Variants in VSIG10L observed in about 807,000 individuals in gnomAD.
VSIG10L encodes the protein V-set and immunoglobulin domain-containing protein 10-like.
Under a neutral mutation model 67.3 loss-of-function variants are expected in VSIG10L, and 63 were observed. The observed-to-expected ratio is 0.94, with a 90% confidence interval of 0.76 to 1.15. The LOEUF (loss-of-function observed/expected upper bound fraction) is 1.15, where lower values mean the gene tolerates loss of function less well. Ranked by LOEUF, VSIG10L falls within the 50% of genes most tolerant of loss-of-function variation. VSIG10L has a pLI of 0.00. For missense variants in VSIG10L, 1,050 were observed against 1,177.5 expected (o/e 0.89, Z 1.58); for synonymous variants, 499 against 524.9 (o/e 0.95, Z 0.67).
Position 51,337,410 on chromosome 19 carries a change from C to T in VSIG10L, c.2133G>A (p.Leu711=), listed in dbSNP as rs1403137118. Reference sequence around the variant, plus strand: ...AGTCCCTGTAGGTGGAAGTCCTGCCCAGAGCAGGCCCATCTGGCCATGCCT... The same window carrying T: ...AGTCCCTGTAGGTGGAAGTCCTGCCTAGAGCAGGCCCATCTGGCCATGCCT... ...EIQAWPDGPA[L]GRTSTYRDWV... The change falls in exon 7 of 10, where the codon CTG becomes CTA. Residue 711 remains leucine (L), a synonymous_variant. Coordinates refer to ENST00000335624, the MANE Select transcript of VSIG10L (RefSeq NM_001163922.3). 2 of 1,551,700 alleles carry T rather than the reference C, an allele frequency of 1.3e-6. No individual in the cohort carries two copies. The highest frequency in any genetic ancestry group is 4.9e-5 in the East Asian group (2 of 40,910).
At chr19:51,334,830 A>G (rs1442768061) in intron 7 of VSIG10L, among the ~76,000 whole-genome samples, 1 of 87,292 alleles carries the variant, frequency 1.1e-5, no homozygotes, top group Non-Finnish European at 2.1e-5. Context: ...AGCCCCAGCT[A>G]CTCAGGAGAC....
At position 51,339,559 on chromosome 19, in the gene VSIG10L, C is replaced by T. The variant is rs1599834445; in HGVS notation, c.1475-417G>A. The T allele has an allele frequency of 7.3e-5, 16 of 218,970 alleles. No homozygotes were observed. In the East Asian group the frequency reaches 1.4e-3, roughly 20 times the overall value. The allele number at this position is 218,970 out of a possible 1,614,324, so 13.6% of individuals were successfully genotyped here. A position where few individuals can be genotyped will look rare whatever the true frequency, so the allele number is the denominator to read the frequency against. On this transcript the variant is annotated intron_variant, in intron 4 of 9. Coordinates refer to ENST00000335624, the MANE Select transcript of VSIG10L (RefSeq NM_001163922.3). ...ATTCTGCCCGCTTTCTAAATGACCT[C>T]GCCCCTTTCCCTGGTGACTCCGCCC...
Position 51,340,755 on chromosome 19 carries a change from C to T in VSIG10L, c.896-29G>A. 1 of 1,452,298 alleles carries T rather than the reference C, an allele frequency of 6.9e-7. No homozygotes were observed. The highest frequency in any genetic ancestry group is 9.0e-7 in the Non-Finnish European group (1 of 1,105,614). 90.0% of individuals were successfully genotyped at this position (1,452,298 alleles called of 1,614,324 possible). On this transcript the variant is annotated intron_variant, in intron 2 of 9. Transcript: ENST00000335624. The surrounding 1 kb of genome is among the most constrained non-coding windows in gnomAD (Gnocchi z 6.3). ...GGAGAGGGAGAATGGGCTCAGGACC[C>T]ACCCAGTCCTGGAGCCCATCTTTGG...
Position 51,340,529 on chromosome 19 carries a change from T to C in VSIG10L, c.1093A>G (p.Ile365Val). Residue 365 changes from isoleucine (I) to valine (V), a missense_variant, in exon 3 of 10, where the codon ATC becomes GTC. This residue lies in a region of VSIG10L where 511 missense variants were observed against 557.9 expected (regional missense o/e 0.92). Coordinates refer to ENST00000335624, the MANE Select transcript of VSIG10L (RefSeq NM_001163922.3). The surrounding 1 kb of genome is among the most constrained non-coding windows in gnomAD (Gnocchi z 6.3). ...TGGTCGCTGCGCACAGGGCGCACGA[T>C]GAGCAGCTGGTCGCCCTCTGAGCGC... ...RMRSEGDQLL[I>V]VRPVRSDHAR... 6.5e-7 allele frequency: 1 copy of C among 1,534,762 alleles called. No homozygotes were observed. The highest frequency in any genetic ancestry group is 8.7e-7 in the Non-Finnish European group (1 of 1,145,320).
rs966405919 is a variant in VSIG10L, at chr19:51,339,105, C to A, written c.1512G>T (p.Gly504=). The change falls in exon 5 of 10, where the codon GGG becomes GGT. Residue 504 remains glycine, a synonymous_variant. Transcript: ENST00000335624. ...PPGAPQCSVE[G]GPGDRSLRFR... is the part of the protein sequence containing the mutation. ...AGCGGAGGCTGCGGTCCCCGGGACC[C>A]CCTTCAACTGAGCACTGTGGGGCCC... 7.4e-7 allele frequency: 1 copy of A among 1,346,832 alleles called. No homozygotes were observed. 83.4% of individuals were successfully genotyped at this position (1,346,832 alleles called of 1,614,324 possible).
chr19:51,332,839 T>TTTTA (rs765529298), intron 9 of VSIG10L, among the ~76,000 whole-genome samples, 199 bp from the exon 10 acceptor site: 2,066 of 151,882 alleles, frequency 0.014, 21 homozygotes, highest in Middle Eastern at 0.045. Flanking sequence ...AGTTGTTATT[T>TTTTA]TTTATTTATT....
At chr19:51,338,296 G>A in intron 5 of VSIG10L, 88 bp from the exon 6 acceptor site, 1 of 1,392,344 alleles carries the variant, frequency 7.2e-7, no homozygotes, top group Non-Finnish European at 9.4e-7. Flanking sequence ...AAATCAGATG[G>A]TGGTAAGCCC....
rs1456924434 is a variant in VSIG10L at position 51,337,921 on chromosome 19, G to A, written c.2008+9C>T. 27 of 1,533,402 alleles carry A rather than the reference G, an allele frequency of 1.8e-5. No homozygotes were observed. In the East Asian group the frequency reaches 3.7e-4, roughly 21 times the overall value. 95.0% of individuals were successfully genotyped at this position (1,533,402 alleles called of 1,614,324 possible). A position where few individuals can be genotyped will look rare whatever the true frequency, so the allele number is the denominator to read the frequency against. On this transcript the variant is annotated intron_variant, in intron 6 of 9. Transcript: ENST00000335624. ...GGACTTCAGGGTTTTTTGAAATAACGTGGCTCACCAATGAGGGTGATCTGG... is the reference window on the plus strand; with the variant it reads ...GGACTTCAGGGTTTTTTGAAATAACATGGCTCACCAATGAGGGTGATCTGG...
rs756052196 is a variant in VSIG10L at position 51,338,003 on chromosome 19, A to G, written c.1935T>C (p.Asp645=). 5.2e-6 allele frequency: 8 copies of G among 1,551,566 alleles called. No individual in the cohort carries two copies. The highest frequency in any genetic ancestry group is 1.2e-5 in the South Asian group (1 of 84,068). ...GCACGGAGTAATTTCCCAGGTCCCA[A>G]TCCAGGCTGAAGTTGCCGATGTGGA... ...RKLHIGNFSL[D]WDLGNYSVLC... is the part of the protein sequence containing the mutation. The change falls in exon 6 of 10, where the codon GAT becomes GAC. Residue 645 remains aspartate (D), a synonymous_variant. Coordinates refer to ENST00000335624, the MANE Select transcript of VSIG10L (RefSeq NM_001163922.3).
Position 51,341,601 on chromosome 19 carries a change from G to A in VSIG10L, c.447C>T (p.Val149=), listed in dbSNP as rs1383767771. ...CCTCAACAGACAGTTTGGTATGGGAGACTTGAGTAGAAATGTTTGAAGCTG... is the reference window on the plus strand; with the variant it reads ...CCTCAACAGACAGTTTGGTATGGGAAACTTGAGTAGAAATGTTTGAAGCTG... The part of the protein sequence containing the change: ...KTPASNISTQ[V]SHTKLSVEAP... Residue 149 remains valine, a synonymous_variant, in exon 2 of 10, where the codon GTC becomes GTT. Coordinates refer to ENST00000335624, the MANE Select transcript of VSIG10L (RefSeq NM_001163922.3). 2 of 1,551,642 alleles carry A rather than the reference G, an allele frequency of 1.3e-6. No homozygotes were observed. Among genetic ancestry groups the A allele is most frequent in the Non-Finnish European group, 1.7e-6 (2 of 1,147,008 alleles).
At chr19:51,338,506 A>C (rs1377994005) in intron 5 of VSIG10L, among the ~76,000 whole-genome samples, 1 of 152,156 alleles carries the variant, frequency 6.6e-6, no homozygotes, top group African/African-American at 2.4e-5. Context: ...TAGCAATAAT[A>C]ATTACAAGAC....
At chr19:51,333,465 G>A (rs1003489208) in intron 9 of VSIG10L, among the ~76,000 whole-genome samples, 5 of 151,890 alleles carry the variant, frequency 3.3e-5, no homozygotes, top group South Asian at 4.2e-4. Flanking sequence ...GGAGGCGGAG[G>A]CTGCAGTGAG....
chr19:51,340,194 G>C lies in VSIG10L; in HGVS notation c.1295C>G (p.Ser432Trp). Residue 432 changes from serine to tryptophan, a missense_variant, in exon 4 of 10, where the codon TCG (serine) becomes TGG (tryptophan). Ser to Trp is a radical substitution (Grantham distance 177, BLOSUM62 -3). Coordinates refer to ENST00000335624, the MANE Select transcript of VSIG10L (RefSeq NM_001163922.3). This position sits in a 1 kb window ranked among gnomAD's most constrained non-coding sequence, Gnocchi z 6.3. ...SNVTLRCAAA[S>W]RPPADITWSL... ...CCACGTGATGTCGGCGGGCGGCCGC[G>C]AGGCGGCGGCGCAGCGCAAGGTCAC... 6.9e-7 allele frequency: 1 copy of C among 1,449,962 alleles called. No individual in the cohort carries two copies. Among genetic ancestry groups the C allele is most frequent in the East Asian group, 3.0e-5 (1 of 33,670 alleles). The allele number at this position is 1,449,962 out of a possible 1,614,324, so 89.8% of individuals were successfully genotyped here.
rs892381804 is a variant in VSIG10L at position 51,338,337 on chromosome 19, C to T, written c.1730-129G>A. 3.2e-6 allele frequency: 3 copies of T among 950,794 alleles called. No individual in the cohort carries two copies. In the African/African-American group the frequency reaches 5.0e-5, roughly 16 times the overall value. The allele number at this position is 950,794 out of a possible 1,614,324, so 58.9% of individuals were successfully genotyped here. On this transcript the variant is annotated intron_variant, in intron 5 of 9. Transcript: ENST00000335624. ...CTTTGGCCACCTGAGAAAGAACTGCCAATTTACTCACTCATTAGCTCATTC... is the reference window on the plus strand; with the variant it reads ...CTTTGGCCACCTGAGAAAGAACTGCTAATTTACTCACTCATTAGCTCATTC...
rs2123557072 is a variant in VSIG10L, at chr19:51,339,965, G to C, written c.1474+50C>G. ...TTTCCTCTAGCCCCGCCCTCGTTCT[G>C]GCCCCGCCCCTCTCCCAGGCATTCC... On this transcript the variant is annotated intron_variant, in intron 4 of 9. Transcript: ENST00000335624. The C allele has an allele frequency of 3.1e-6, 4 of 1,275,544 alleles. No homozygotes were observed. The Admixed American group carries it at 1.6e-4, about 52-fold the overall frequency. The allele number at this position is 1,275,544 out of a possible 1,614,324, so 79.0% of individuals were successfully genotyped here.
rs980145762 is a variant in VSIG10L at position 51,340,657 on chromosome 19, A to T, written c.965T>A (p.Leu322Gln). The T allele has an allele frequency of 2.0e-6, 3 of 1,531,686 alleles. No homozygotes were observed. The highest frequency in any genetic ancestry group is 2.6e-6 in the Non-Finnish European group (3 of 1,144,494). The allele number at this position is 1,531,686 out of a possible 1,614,324, so 94.9% of individuals were successfully genotyped here. Reference sequence around the variant, plus strand: ...ACCTGGCCCCCACCCCAGGCAGCGCAGCCGGAGCTCGGCCGCCCCCTCCTC... The same window carrying T: ...ACCTGGCCCCCACCCCAGGCAGCGCTGCCGGAGCTCGGCCGCCCCCTCCTC... ...ETEEGAAELRLRCLGWGPGRG... is the reference protein window; with the variant it reads ...ETEEGAAELRQRCLGWGPGRG... The change falls in exon 3 of 10, where the codon CTG becomes CAG. Residue 322 changes from leucine to glutamine, a missense_variant. By Grantham distance (113) the Leu-to-Gln change is moderately radical. This residue lies in a region of VSIG10L where 511 missense variants were observed against 557.9 expected (regional missense o/e 0.92). Coordinates refer to ENST00000335624, the MANE Select transcript of VSIG10L (RefSeq NM_001163922.3). This position sits in a 1 kb window ranked among gnomAD's most constrained non-coding sequence, Gnocchi z 6.3.
Position 51,340,962 on chromosome 19 carries a change from C to T in VSIG10L, c.895+191G>A, listed in dbSNP as rs1985620682. ...CCCTCAGACCTGGGAGTTCAGGCTCCCAGGAGTCTCCATCCCAGGTCCACC... is the reference window on the plus strand; with the variant it reads ...CCCTCAGACCTGGGAGTTCAGGCTCTCAGGAGTCTCCATCCCAGGTCCACC... On this transcript the variant is annotated intron_variant, in intron 2 of 9. Coordinates refer to ENST00000335624, the MANE Select transcript of VSIG10L (RefSeq NM_001163922.3). This position sits in a 1 kb window ranked among gnomAD's most constrained non-coding sequence, Gnocchi z 6.3. 1 of 980,192 alleles carries T rather than the reference C, an allele frequency of 1.0e-6. No homozygotes were observed. Among genetic ancestry groups the T allele is most frequent in the African/African-American group, 1.7e-5 (1 of 60,096 alleles). The allele number at this position is 980,192 out of a possible 1,614,324, so 60.7% of individuals were successfully genotyped here. A position where few individuals can be genotyped will look rare whatever the true frequency, so the allele number is the denominator to read the frequency against.
At position 51,341,878 on chromosome 19, in the gene VSIG10L, G is replaced by A. The variant is rs1273394066; in HGVS notation, c.170C>T (p.Pro57Leu). The A allele has an allele frequency of 1.3e-6, 2 of 1,551,586 alleles. No individual in the cohort carries two copies. Among genetic ancestry groups the A allele is most frequent in the Non-Finnish European group, 1.7e-6 (2 of 1,146,990 alleles). ...GLGVEVPSIK[P>L]PSWKVPDQFL... ...CTGATCTGGAACTTTCCAGCTGGGA[G>A]GTTTGATGGAGGGAACTTCCACACC... The change falls in exon 2 of 10, where the codon CCT becomes CTT. Residue 57 changes from proline (P) to leucine (L), a missense_variant. This residue lies in a region of VSIG10L where 511 missense variants were observed against 557.9 expected (regional missense o/e 0.92). Coordinates refer to ENST00000335624, the MANE Select transcript of VSIG10L (RefSeq NM_001163922.3).
At chr19:51,335,951 G>A (rs1985469270) in intron 7 of VSIG10L, among the ~76,000 whole-genome samples, 1 of 152,056 alleles carries the variant, frequency 6.6e-6, no homozygotes, top group South Asian at 2.1e-4. Context: ...CTTAAGTTGG[G>A]CGCATCCTTT....
Sources: allele counts gnomAD v4.1 joint callset (sites outside exome capture counted in the v4.1 genomes callset), GRCh38; gene constraint gnomAD v4.1.1; regional missense constraint gnomAD v4.1.1; non-coding constraint Gnocchi (gnomAD v3.1); transcripts MANE v1.5; gene names NCBI Gene and HGNC (gene_info 2026-07-23, HGNC 2026-07-21).